The following TMCC1 variants were observed in gnomAD, a reference collection of about 807,000 sequenced individuals.
The protein encoded by TMCC1 is transmembrane and coiled-coil domains protein 1.
TMCC1 carries 15 observed loss-of-function variants against 52.4 expected under a neutral mutation model. The ratio of observed to expected loss-of-function variants is 0.29; its 90% CI spans 0.19 to 0.44. TMCC1 has a LOEUF of 0.44. Among genes scored for constraint, TMCC1 ranks in the 20% least tolerant of loss-of-function variants. The pLI is 1.00. For synonymous variants in TMCC1, 279 were observed against 301.9 expected (o/e 0.92, Z 0.79); for missense variants, 503 against 806.0 (o/e 0.62, Z 4.55).
At chr3:129,833,589 C>G (rs9831511) in intron 2 of TMCC1, among the ~76,000 whole-genome samples, 3,383 of 152,062 alleles carry the variant, frequency 0.022, 116 homozygotes, top group African/African-American at 0.074. Context: ...ACAACAACAA[C>G]AAGAAGAACA....
At chr3:129,705,093 C>G (rs2048120996) in intron 4 of TMCC1, among the ~76,000 whole-genome samples, 1 of 152,128 alleles carries the variant, frequency 6.6e-6, no homozygotes, top group Admixed American at 6.6e-5. Context: ...TAAAAAAATT[C>G]CAAGCTATAA....
intron 4 of TMCC1, among the ~76,000 whole-genome samples, chr3:129,779,971 G>T (rs1022364203): frequency 6.6e-6 from 1 of 152,030 alleles, no homozygotes; most frequent in African/African-American, 2.4e-5. Flanking sequence ...TCATATTTCT[G>T]ATATTGAAAA....
intron 4 of TMCC1, among the ~76,000 whole-genome samples, chr3:129,719,156 C>A (rs1368611839): frequency 6.6e-6 from 1 of 151,618 alleles, no homozygotes; most frequent in Non-Finnish European, 1.5e-5. Flanking sequence ...TTCAGCCCCA[C>A]CCCCCAACCT....
intron 4 of TMCC1, chr3:129,794,363 G>C (rs1224663689): frequency 6.6e-6 from 3 of 456,084 alleles, no homozygotes; most frequent in Non-Finnish European, 1.3e-5. Context: ...GCTGAACCAT[G>C]ATCACCCAGA....
intron 4 of TMCC1, among the ~76,000 whole-genome samples, chr3:129,756,237 G>A (rs2052998891): frequency 6.6e-6 from 1 of 152,228 alleles, no homozygotes; most frequent in East Asian, 1.9e-4. Context: ...AAACCTGTAT[G>A]TGAATGTTTA....
At chr3:129,728,576 G>A (rs2050291542) in intron 4 of TMCC1, among the ~76,000 whole-genome samples, 2 of 152,108 alleles carry the variant, frequency 1.3e-5, no homozygotes, top group African/African-American at 4.8e-5. Context: ...GAGCCACCGT[G>A]CCCAGCAAGC....
intron 2 of TMCC1, among the ~76,000 whole-genome samples, chr3:129,879,510 T>C (rs2061368957): frequency 6.6e-6 from 1 of 152,186 alleles, no homozygotes; most frequent in Non-Finnish European, 1.5e-5. Context: ...TATAACTGTC[T>C]ACAACGCAAT....
At chr3:129,791,346 GC>G (rs1433539397) in intron 4 of TMCC1, among the ~76,000 whole-genome samples, 4 of 152,000 alleles carry the variant, frequency 2.6e-5, no homozygotes, top group African/African-American at 9.7e-5. Flanking sequence ...ACCCACCTTG[GC>G]CTCCCAAAGT....
chr3:129,682,760 A>G (rs2089102570), intron 4 of TMCC1, among the ~76,000 whole-genome samples: 1 of 152,162 alleles, frequency 6.6e-6, no homozygotes, highest in South Asian at 2.1e-4. Flanking sequence ...GTCTCCTTAT[A>G]AACCTGTTTT....
intron 2 of TMCC1, chr3:129,847,725 C>T (rs372657905): frequency 8.7e-4 from 133 of 152,322 alleles, no homozygotes; most frequent in African/African-American, 3.0e-3. Context: ...GGCATCTTCA[C>T]ATTTACTTTG....
Position 129,828,074 on chromosome 3 carries a change from A to T in TMCC1, c.305T>A (p.Leu102Gln), listed in dbSNP as rs1296128124. 1 of 1,614,136 alleles carries T rather than the reference A, an allele frequency of 6.2e-7. No homozygotes were observed. The highest frequency in any genetic ancestry group is 2.2e-5 in the East Asian group (1 of 44,864). ...IDGVPTHPTA[L>Q]NRVLQQIRVP... ...TCGAATCTGCTGCAGGACACGATTC[A>T]GAGCTGTGGGGTGGGTGGGGACACC... The change falls in exon 4 of 7, where the codon CTG (leucine) becomes CAG (glutamine). Residue 102 changes from leucine (L) to glutamine (Q), a missense_variant. By Grantham distance (113) the Leu-to-Gln change is moderately radical (BLOSUM62 -2). Transcript: ENST00000393238. The surrounding 1 kb of genome is among the most constrained non-coding windows in gnomAD (Gnocchi z 4.1).
At chr3:129,816,203 C>T (rs12491319) in intron 4 of TMCC1, among the ~76,000 whole-genome samples, 2,518 of 152,186 alleles carry the variant, frequency 0.017, 168 homozygotes, top group East Asian at 0.14. Flanking sequence ...AATAGAACTA[C>T]CATATGACCC....
intron 2 of TMCC1, among the ~76,000 whole-genome samples, chr3:129,867,649 T>C (rs368138444): frequency 1.2e-4 from 19 of 152,166 alleles, no homozygotes; most frequent in East Asian, 1.2e-3. Flanking sequence ...AAAGAACATA[T>C]AGCCAAGCAA....
At chr3:129,753,390 A>G (rs1014527102) in intron 4 of TMCC1, among the ~76,000 whole-genome samples, 21 of 152,368 alleles carry the variant, frequency 1.4e-4, no homozygotes, top group Non-Finnish European at 2.5e-4. Flanking sequence ...ACATCGTAAT[A>G]TTCAGCAAGT....
In TMCC1 at chr3:129,712,572, C is replaced by T. The variant is rs138986933; in HGVS notation, c.577-41308G>A. Among the ~76,000 whole-genome samples the T allele has an allele frequency of 4.6e-3, 694 of 152,126 alleles. 8 individuals carry two copies. The highest frequency in any genetic ancestry group is 0.016 in the African/African-American group (660 of 41,506). ...AAGCAATCCTCCCACCTCAGCCTCC[C>T]GAGGAGCTGGAACTACAGGCACATA... is the stretch of plus-strand genomic sequence containing the variant. On this transcript the variant is annotated intron_variant, in intron 4 of 6. Coordinates refer to ENST00000393238, the MANE Select transcript of TMCC1 (RefSeq NM_001017395.5).
intron 1 of TMCC1, among the ~76,000 whole-genome samples, chr3:129,880,864 CTTTT>C (rs62895562): frequency 7.3e-6 from 1 of 136,058 alleles, no homozygotes. Flanking sequence ...AATTTTTTTT[CTTTT>C]TTTTTTTTTT....
chr3:129,888,967 G>A (rs1433720716), intron 1 of TMCC1, among the ~76,000 whole-genome samples: 1 of 152,014 alleles, frequency 6.6e-6, no homozygotes, highest in Non-Finnish European at 1.5e-5. Flanking sequence ...CCCAAAGAAC[G>A]TTCTATAAAA....
chr3:129,666,109 T>G (rs2087429736), intron 5 of TMCC1, among the ~76,000 whole-genome samples: 1 of 152,188 alleles, frequency 6.6e-6, no homozygotes, highest in Non-Finnish European at 1.5e-5. Context: ...GTGAAGTCCA[T>G]CCACAGCCTA....
At chr3:129,717,476 C>A (rs1455321913) in intron 4 of TMCC1, among the ~76,000 whole-genome samples, 2 of 152,080 alleles carry the variant, frequency 1.3e-5, no homozygotes, top group African/African-American at 4.8e-5. Flanking sequence ...TATCCTATGA[C>A]TCTAAGAGTC....
Sources: allele counts gnomAD v4.1 joint callset (sites outside exome capture counted in the v4.1 genomes callset), GRCh38; gene constraint gnomAD v4.1.1; non-coding constraint Gnocchi (gnomAD v3.1); transcripts MANE v1.5; gene names NCBI Gene and HGNC (gene_info 2026-07-23, HGNC 2026-07-21).